ANKS1B: variants seen among roughly 807,000 people sequenced by gnomAD.
The protein encoded by ANKS1B is ankyrin repeat and sterile alpha motif domain containing 1B, also known as ankyrin repeat and sterile alpha motif domain-containing protein 1B.
In ANKS1B, 36 loss-of-function variants were observed where a neutral mutation model predicts 148.3. The observed-to-expected ratio is 0.24, with a 90% CI of 0.19 to 0.32. The LOEUF (loss-of-function observed/expected upper bound fraction) is 0.32, where lower values mean the gene tolerates loss of function less well. ANKS1B is among the 10% of genes least tolerant of loss of function. The pLI is 1.00. For missense variants in ANKS1B, 1,157 were observed against 1,542.6 expected (o/e 0.75, Z 4.19); for synonymous variants, 542 against 560.8 (o/e 0.97, Z 0.47).
intron 9 of ANKS1B, among the ~76,000 whole-genome samples, chr12:98,736,897 T>G (rs1486225460): frequency 6.6e-6 from 1 of 152,184 alleles, no homozygotes; most frequent in African/African-American, 2.4e-5. Flanking sequence ...CCAAGCACTG[T>G]TTTAAGCAGC....
At chr12:99,429,132 T>C (rs376431195) in intron 11 of ANKS1B, among the ~76,000 whole-genome samples, 1 of 151,998 alleles carries the variant, frequency 6.6e-6, no homozygotes, top group Non-Finnish European at 1.5e-5. Flanking sequence ...TGTATACACA[T>C]TTCAGAAGAG....
intron 17 of ANKS1B, among the ~76,000 whole-genome samples, chr12:99,031,983 T>C (rs1287092476): frequency 6.6e-6 from 1 of 152,224 alleles, no homozygotes; most frequent in Non-Finnish European, 1.5e-5. Flanking sequence ...CTTTAACAAA[T>C]TCAATCCTAA....
At chr12:98,786,787 C>T (rs1212824803) in intron 22 of ANKS1B, among the ~76,000 whole-genome samples, 3 of 152,188 alleles carry the variant, frequency 2.0e-5, no homozygotes, top group South Asian at 2.1e-4. Context: ...GCCCCATCAT[C>T]AGCACAGACA....
At chr12:99,574,735 G>C (rs1156335255) in intron 9 of ANKS1B, among the ~76,000 whole-genome samples, 1 of 151,862 alleles carries the variant, frequency 6.6e-6, no homozygotes, top group Non-Finnish European at 1.5e-5. Flanking sequence ...ATATATTCAT[G>C]ATGAAAAACT....
intron 15 of ANKS1B, among the ~76,000 whole-genome samples, chr12:99,140,949 A>C (rs1299608356): frequency 1.3e-5 from 2 of 152,094 alleles, no homozygotes; most frequent in Non-Finnish European, 2.9e-5. Context: ...CAGAAGAAAC[A>C]TATTTCCATA....
intron 13 of ANKS1B, among the ~76,000 whole-genome samples, chr12:99,245,817 CT>C (rs1211805344): frequency 6.6e-6 from 1 of 152,102 alleles, no homozygotes; most frequent in Admixed American, 6.5e-5. Context: ...TGTATGGTGG[CT>C]GGAGAAGAGC....
chr12:99,074,113 T>G (rs1331596100), intron 16 of ANKS1B, among the ~76,000 whole-genome samples: 1 of 152,146 alleles, frequency 6.6e-6, no homozygotes, highest in Non-Finnish European at 1.5e-5. Flanking sequence ...CACTACAGAT[T>G]GCAGGATAAC....
downstream of ANKS1B, among the ~76,000 whole-genome samples, chr12:98,743,660 C>T (rs941146710): frequency 6.6e-6 from 1 of 152,170 alleles, no homozygotes; most frequent in African/African-American, 2.4e-5. Flanking sequence ...TCCAAACATA[C>T]CATCGAGGCT....
chr12:98,839,424 A>T (rs10860374), intron 17 of ANKS1B, among the ~76,000 whole-genome samples: 22,622 of 152,106 alleles, frequency 0.15, 2,188 homozygotes, highest in African/African-American at 0.27. Context: ...CCATCCATCC[A>T]TCTAAATATA....
intron 9 of ANKS1B, among the ~76,000 whole-genome samples, chr12:99,599,271 T>C (rs181083509): frequency 1.4e-3 from 209 of 152,114 alleles, no homozygotes; most frequent in African/African-American, 4.5e-3. Flanking sequence ...ACAACAGTGA[T>C]AGGGGAGTCC....
At chr12:99,443,615 T>C in intron 11 of ANKS1B, 58 bp downstream of exon 11, 1 of 1,571,852 alleles carries the variant, frequency 6.4e-7, no homozygotes, top group Non-Finnish European at 8.7e-7. Flanking sequence ...GTGATGTACA[T>C]GCATTGATTC....
chr12:99,153,599 T>C (rs946104014), intron 15 of ANKS1B, among the ~76,000 whole-genome samples: 7 of 152,188 alleles, frequency 4.6e-5, no homozygotes, highest in South Asian at 2.1e-4. Flanking sequence ...CAGGTTTAGA[T>C]TGCATGTAGA....
At chr12:98,912,790 T>C (rs2152847787) in intron 17 of ANKS1B, among the ~76,000 whole-genome samples, 1 of 152,170 alleles carries the variant, frequency 6.6e-6, no homozygotes, top group East Asian at 1.9e-4. Context: ...TTAGCTTCAG[T>C]TCAGAAAGAA....
At chr12:99,776,583 T>C (rs1458183413) in intron 6 of ANKS1B, among the ~76,000 whole-genome samples, 1 of 152,190 alleles carries the variant, frequency 6.6e-6, no homozygotes, top group East Asian at 1.9e-4. Context: ...AGAGAACAAA[T>C]GACCAATCTA....
Position 99,181,453 on chromosome 12 carries a change from A to G in ANKS1B, c.2420-27058T>C, listed in dbSNP as rs189300031. 3.9e-5 allele frequency among the ~76,000 whole-genome samples: 6 copies of G among 152,364 alleles called. No individual in the cohort carries two copies. In the East Asian group the frequency reaches 1.2e-3, roughly 29 times the overall value. ...ACAGCCTCAAGGTAAAAGATTGTAA[A>G]CAGCAAATTAGTGAACAAAAGTATT... On this transcript the variant is annotated intron_variant, in intron 14 of 26. Coordinates refer to ENST00000683438, the MANE Select transcript of ANKS1B (RefSeq NM_001352186.2).
chr12:99,157,909 G>T (rs2076246691), intron 14 of ANKS1B, among the ~76,000 whole-genome samples: 1 of 152,090 alleles, frequency 6.6e-6, no homozygotes, highest in Admixed American at 6.6e-5. Flanking sequence ...GAAAATACTG[G>T]TTATGAACTA....
chr12:99,315,165 G>T (rs980269286), intron 12 of ANKS1B, among the ~76,000 whole-genome samples: 13 of 151,930 alleles, frequency 8.6e-5, no homozygotes, highest in African/African-American at 3.1e-4. Context: ...GCTTGAACCT[G>T]GGAGGCAGAG....
chr12:99,199,369 G>GT (rs902549873), intron 14 of ANKS1B, among the ~76,000 whole-genome samples: 1 of 152,166 alleles, frequency 6.6e-6, no homozygotes, highest in Non-Finnish European at 1.5e-5. Context: ...GTTAGCCGTG[G>GT]TTTTTTAAAA....
At chr12:99,683,229 T>C (rs532984158) in intron 8 of ANKS1B, among the ~76,000 whole-genome samples, 2 of 152,098 alleles carry the variant, frequency 1.3e-5, no homozygotes, top group Non-Finnish European at 2.9e-5. Context: ...AGCCAAATCA[T>C]ATCAGCGAGA....
Sources: allele counts gnomAD v4.1 joint callset (sites outside exome capture counted in the v4.1 genomes callset), GRCh38; gene constraint gnomAD v4.1.1; transcripts MANE v1.5; gene names NCBI Gene and HGNC (gene_info 2026-07-23, HGNC 2026-07-21).